LYRM4: variants seen among roughly 807,000 people sequenced by gnomAD.
LYRM4 encodes the protein LYR motif-containing protein 4.
Under a neutral mutation model 11.7 loss-of-function variants are expected in LYRM4, and 9 were observed. The ratio of observed to expected loss-of-function variants is 0.77; its 90% CI spans 0.46 to 1.34. The LOEUF is 1.34. Ranked by LOEUF, LYRM4 falls within the 40% of genes most tolerant of loss-of-function variation. The pLI is 0.00. For missense variants in LYRM4, 133 were observed against 112.5 expected, an observed-to-expected ratio of 1.18 and a Z score of -0.82; for synonymous variants, 42 against 40.4, an observed-to-expected ratio of 1.04 and a Z score of -0.15.
the LYRM4 span, among the ~76,000 whole-genome samples, chr6:5,056,773 G>A: frequency 2.6e-5 from 4 of 152,186 alleles, no homozygotes; most frequent in Admixed American, 6.5e-5. Flanking sequence ...CTTCATTGAA[G>A]TCAGAGGTTC....
chr6:5,257,318 A>G (rs1764725222), intron 1 of LYRM4, among the ~76,000 whole-genome samples: 1 of 152,030 alleles, frequency 6.6e-6, no homozygotes, highest in South Asian at 2.1e-4. Flanking sequence ...GACCACACCA[A>G]GCTGCTTCAT....
intron 2 of LYRM4, among the ~76,000 whole-genome samples, chr6:5,138,934 T>A (rs547938375): frequency 6.6e-6 from 1 of 152,310 alleles, no homozygotes; most frequent in African/African-American, 2.4e-5. Flanking sequence ...TTAAAGAAAG[T>A]CTTTCGAGCA....
chr6:5,213,897 G>A (rs1424971581), intron 2 of LYRM4, among the ~76,000 whole-genome samples: 4 of 152,240 alleles, frequency 2.6e-5, no homozygotes, highest in Non-Finnish European at 5.9e-5. Context: ...CTTTGCATAT[G>A]TTAGTGTACT....
chr6:5,241,537 T>C (rs1272414196), intron 1 of LYRM4, among the ~76,000 whole-genome samples: 2 of 151,780 alleles, frequency 1.3e-5, no homozygotes, highest in Non-Finnish European at 2.9e-5. Flanking sequence ...TTGGCCTCAG[T>C]ATAGAATTTT....
At chr6:5,145,827 C>G (rs746318647) in intron 2 of LYRM4, among the ~76,000 whole-genome samples, 2 of 152,172 alleles carry the variant, frequency 1.3e-5, no homozygotes, top group Non-Finnish European at 2.9e-5. Flanking sequence ...GGGCTCCTAA[C>G]TCAAGCCCGC....
chr6:5,078,204 G>C, the LYRM4 span, among the ~76,000 whole-genome samples: 4 of 151,002 alleles, frequency 2.6e-5, no homozygotes, highest in Admixed American at 2.6e-4. Flanking sequence ...CCCCTTGGCT[G>C]TAAGAAGGTG....
At chr6:5,250,309 T>C (rs1764370423) in intron 1 of LYRM4, among the ~76,000 whole-genome samples, 1 of 152,170 alleles carries the variant, frequency 6.6e-6, no homozygotes, top group Non-Finnish European at 1.5e-5. Context: ...CTACAGTCAA[T>C]AAATCAGCAA....
intron 2 of LYRM4, 147 bp from the exon 3 acceptor site, chr6:5,109,638 C>T (rs1217451100): frequency 6.9e-6 from 5 of 725,248 alleles, no homozygotes; most frequent in African/African-American, 3.5e-5. Context: ...GGGGCAAAGC[C>T]GGCCACTAGA....
rs76142533 is a variant in LYRM4 at position 5,170,449 on chromosome 6, T to C, written c.207+46169A>G. Among the ~76,000 whole-genome samples, 1,278 of 152,128 alleles carry C rather than the reference T, an allele frequency of 8.4e-3. 25 individuals are homozygous for C. Among genetic ancestry groups the C allele is most frequent in the African/African-American group, 0.029 (1,208 of 41,466 alleles). On this transcript the variant is annotated intron_variant, in intron 2 of 2. Transcript: ENST00000330636. ...AAAGGGCCTGTGACCCAAAATATTC[T>C]TGGGTATCAAAAGAGCTTTCTCACT...
At chr6:5,249,452 A>G (rs1300577229) in intron 1 of LYRM4, among the ~76,000 whole-genome samples, 1 of 152,210 alleles carries the variant, frequency 6.6e-6, no homozygotes, top group Admixed American at 6.5e-5. Flanking sequence ...TCTAGAAGGA[A>G]GTCACTGTGA....
chr6:5,244,909 T>A (rs979908309), intron 1 of LYRM4, among the ~76,000 whole-genome samples: 2 of 150,326 alleles, frequency 1.3e-5, no homozygotes, highest in Non-Finnish European at 3.0e-5. Context: ...TGAGGTGGGG[T>A]TGGGCAGGCT....
At chr6:5,130,695 T>G (rs1763912803) in intron 2 of LYRM4, among the ~76,000 whole-genome samples, 1 of 152,068 alleles carries the variant, frequency 6.6e-6, no homozygotes, top group Non-Finnish European at 1.5e-5. Flanking sequence ...TAGTCAGCAA[T>G]AAACTTCTTT....
intron 1 of LYRM4, among the ~76,000 whole-genome samples, chr6:5,233,306 C>G (rs1036093943): frequency 6.6e-6 from 1 of 152,206 alleles, no homozygotes; most frequent in Non-Finnish European, 1.5e-5. Flanking sequence ...CCAGCATTTC[C>G]CAGCATGTGT....
chr6:5,045,632 T>C, the LYRM4 span, among the ~76,000 whole-genome samples: 1 of 152,214 alleles, frequency 6.6e-6, no homozygotes, highest in Admixed American at 6.5e-5. Flanking sequence ...TCTGAGATTT[T>C]CAGTGCCTCT....
the LYRM4 span, among the ~76,000 whole-genome samples, chr6:5,040,242 C>T: frequency 3.5e-3 from 529 of 151,694 alleles, 1 homozygote; most frequent in Non-Finnish European, 5.6e-3. Context: ...TGCTTGAGCT[C>T]GAGAGGTTGA....
chr6:5,090,677 G>C, the LYRM4 span, among the ~76,000 whole-genome samples: 1 of 152,314 alleles, frequency 6.6e-6, no homozygotes, highest in South Asian at 2.1e-4. The surrounding 1 kb of genome is among the most constrained non-coding windows in gnomAD (Gnocchi z 4.8). Flanking sequence ...TGCCTTGACC[G>C]AGGGGTGAGG....
chr6:5,260,896 C>T lies in LYRM4; in HGVS notation c.-163G>A. 7.2e-7 allele frequency: 1 copy of T among 1,395,852 alleles called. No individual in the cohort carries two copies. Among genetic ancestry groups the T allele is most frequent in the South Asian group, 1.6e-5 (1 of 63,556 alleles). 86.5% of individuals were successfully genotyped at this position (1,395,852 alleles called of 1,614,324 possible). ...AGCCTAAGCGGGCAGCCCTGCGGATCGCGGACGGCGCCAGGCGTCCCGCGC... is the reference window on the plus strand; with the variant it reads ...AGCCTAAGCGGGCAGCCCTGCGGATTGCGGACGGCGCCAGGCGTCCCGCGC... On this transcript the variant is annotated 5_prime_UTR_variant, in exon 1 of 3. Transcript: ENST00000330636.
At chr6:5,050,838 G>A in the LYRM4 span, among the ~76,000 whole-genome samples, 2 of 152,094 alleles carry the variant, frequency 1.3e-5, no homozygotes, top group Non-Finnish European at 2.9e-5. Flanking sequence ...AAAAATCAAT[G>A]GAAACCATCT....
the LYRM4 span, chr6:5,034,753 C>CTTTTTTTTTTTTTTTTTTTTTTTTTTTTT: frequency 2.1e-5 from 2 of 93,852 alleles, no homozygotes; most frequent in African/African-American, 1.0e-4. Flanking sequence ...TACAGCAATG[C>CTTTTTTTTTTTTTTTTTTTTTTTTTTTTT]TTTTTTTTTT....
Sources: allele counts gnomAD v4.1 joint callset (sites outside exome capture counted in the v4.1 genomes callset), GRCh38; gene constraint gnomAD v4.1.1; non-coding constraint Gnocchi (gnomAD v3.1); transcripts MANE v1.5; gene names NCBI Gene and HGNC (gene_info 2026-07-23, HGNC 2026-07-21).